The following RNF38 variants were observed in gnomAD, a reference collection of about 807,000 sequenced individuals.
RNF38 encodes the protein E3 ubiquitin-protein ligase RNF38.
Under a neutral mutation model 67.2 loss-of-function variants are expected in RNF38, and 15 were observed. That is an observed-to-expected ratio of 0.22 (90% CI 0.15 to 0.34). The LOEUF (loss-of-function observed/expected upper bound fraction) is 0.34, where lower values mean the gene tolerates loss of function less well. Among genes scored for constraint, RNF38 ranks in the 10% least tolerant of loss-of-function variants. The pLI, the probability that RNF38 is intolerant of heterozygous loss-of-function variation, is 1.00. For missense variants in RNF38, 524 were observed against 639.9 expected (o/e 0.82, Z 1.95); for synonymous variants, 220 against 218.8 (o/e 1.01, Z -0.05).
chr9:36,370,887 C>T (rs748877167), intron 3 of RNF38, among the ~76,000 whole-genome samples: 23 of 151,174 alleles, frequency 1.5e-4, no homozygotes, highest in African/African-American at 4.4e-4. Context: ...CCAGCCTGGG[C>T]GACAGAGTGA....
At chr9:36,404,707 A>C (rs1448953256), upstream of RNF38, among the ~76,000 whole-genome samples, 1 of 152,076 alleles carries the variant, frequency 6.6e-6, no homozygotes, top group Non-Finnish European at 1.5e-5. Context: ...AGTTCTTTTG[A>C]GTTTTCTATA....
intron 1 of RNF38, among the ~76,000 whole-genome samples, chr9:36,479,782 A>G (rs1840206107): frequency 6.6e-6 from 1 of 152,164 alleles, no homozygotes; most frequent in African/African-American, 2.4e-5. Context: ...ACAAAAGCCA[A>G]ATGAAAAATA....
Position 36,343,074 on chromosome 9 carries a change from T to TGTAAATAGTTGTTATACTG in RNF38, c.1386-669_1386-651dup, listed in dbSNP as rs530825566. The stretch of plus-strand genomic sequence containing the variant: ...AATACTTAATACAATGTAAGTGCTA[T>TGTAAATAGTTGTTATACTG]GTAAATAGTTGTTATACTGTATTGT... On this transcript the variant is annotated intron_variant, in intron 10 of 11. Coordinates refer to ENST00000259605, the MANE Select transcript of RNF38 (RefSeq NM_022781.5). Among the ~76,000 whole-genome samples the TGTAAATAGTTGTTATACTG allele has an allele frequency of 8.5e-4, 130 of 152,348 alleles. No individual in the cohort carries two copies. The Middle Eastern group carries it at 0.01, about 12-fold the overall frequency.
chr9:36,378,169 CTTTTTTTTT>C (rs35057784), intron 2 of RNF38, among the ~76,000 whole-genome samples: 3 of 114,880 alleles, frequency 2.6e-5, no homozygotes, highest in South Asian at 2.9e-4. Context: ...TTAACACTGA[CTTTTTTTTT>C]TTTTTTTTTT....
chr9:36,402,529 A>G (rs7029289), upstream of RNF38, among the ~76,000 whole-genome samples: 1,661 of 151,900 alleles, frequency 0.011, 27 homozygotes, highest in African/African-American at 0.038. Context: ...TACAGAACGC[A>G]GACCACCCTG....
chr9:36,436,895 C>T (rs966815109), intron 1 of RNF38, among the ~76,000 whole-genome samples: 2 of 151,702 alleles, frequency 1.3e-5, no homozygotes, highest in African/African-American at 2.4e-5. Context: ...TTAGTTTTGC[C>T]ATGGCAACCA....
chr9:36,459,965 G>T (rs949549182), intron 1 of RNF38, among the ~76,000 whole-genome samples: 4 of 151,612 alleles, frequency 2.6e-5, no homozygotes, highest in Non-Finnish European at 4.4e-5. Context: ...TACTATAAGA[G>T]AAAATTTTTT....
intron 10 of RNF38, among the ~76,000 whole-genome samples, chr9:36,342,814 A>G (rs1832950434): frequency 6.6e-6 from 1 of 152,188 alleles, no homozygotes; most frequent in Non-Finnish European, 1.5e-5. Flanking sequence ...TTAGAAGAAA[A>G]CACAGTAAAT....
chr9:36,408,487 C>CTT (rs1483773074), intron 2 of RNF38, among the ~76,000 whole-genome samples: 6 of 152,230 alleles, frequency 3.9e-5, no homozygotes, highest in African/African-American at 1.4e-4. Flanking sequence ...GACCAGTATA[C>CTT]TTTTAGTGAA....
chr9:36,415,973 G>A (rs752018724), intron 2 of RNF38, among the ~76,000 whole-genome samples: 6 of 151,930 alleles, frequency 3.9e-5, no homozygotes, highest in Non-Finnish European at 7.4e-5. Flanking sequence ...ATACAACATC[G>A]ACTGCAGTAG....
chr9:36,410,556 G>A (rs1468731152), intron 2 of RNF38, among the ~76,000 whole-genome samples: 1 of 152,166 alleles, frequency 6.6e-6, no homozygotes, highest in Non-Finnish European at 1.5e-5. Flanking sequence ...CCTGCTGGCA[G>A]ATCTACAACA....
chr9:36,429,663 G>T (rs769997068), intron 1 of RNF38, among the ~76,000 whole-genome samples: 1 of 151,896 alleles, frequency 6.6e-6, no homozygotes, highest in African/African-American at 2.4e-5. Context: ...GCATGGTGGC[G>T]GGCACCTGTA....
intron 1 of RNF38, among the ~76,000 whole-genome samples, chr9:36,465,788 C>T (rs1032755869): frequency 1.3e-5 from 2 of 152,136 alleles, no homozygotes; most frequent in African/African-American, 4.8e-5. Flanking sequence ...CGGTGGCTCA[C>T]GCCTGTAATC....
At position 36,337,644 on chromosome 9, in the gene RNF38, A is replaced by G. The variant is rs564333951; in HGVS notation, c.*2108T>C. On this transcript the variant is annotated 3_prime_UTR_variant, in exon 12 of 12. Coordinates refer to ENST00000259605, the MANE Select transcript of RNF38 (RefSeq NM_022781.5). ...ATAAGATGGGCTTTTGCCATTTTAA[A>G]CATGATTTTTTTTCATTAAAAAAGA... The G allele has an allele frequency of 3.4e-5, 5 of 148,870 alleles. No homozygotes were observed. The highest frequency in any genetic ancestry group is 1.2e-4 in the African/African-American group (5 of 41,490). 9.2% of individuals were successfully genotyped at this position (148,870 alleles called of 1,614,324 possible). A position where few individuals can be genotyped will look rare whatever the true frequency, so the allele number is the denominator to read the frequency against.
At chr9:36,367,164 T>C (rs1343284591) in intron 4 of RNF38, among the ~76,000 whole-genome samples, 1 of 152,122 alleles carries the variant, frequency 6.6e-6, no homozygotes, top group East Asian at 1.9e-4. Flanking sequence ...AGACTCAAAA[T>C]TGAAGTCCAG....
intron 1 of RNF38, among the ~76,000 whole-genome samples, chr9:36,470,273 G>A (rs543986460): frequency 1.3e-5 from 2 of 152,180 alleles, no homozygotes; most frequent in South Asian, 2.1e-4. Context: ...GCCAGAAATC[G>A]GCATTTTAAC....
At chr9:36,376,619 A>AT (rs935664501) in intron 2 of RNF38, among the ~76,000 whole-genome samples, 9 of 151,852 alleles carry the variant, frequency 5.9e-5, no homozygotes, top group African/African-American at 1.2e-4. Context: ...CACTATATTT[A>AT]TTTTTTTTAA....
intron 1 of RNF38, among the ~76,000 whole-genome samples, chr9:36,466,374 A>G (rs1384411855): frequency 1.3e-5 from 2 of 152,222 alleles, no homozygotes; most frequent in African/African-American, 4.8e-5. Flanking sequence ...ACTTAATTGT[A>G]TACTTTATTT....
rs118121296 is a variant in RNF38 at position 36,465,031 on chromosome 9, A to G, written n.241+22277T>C. Among the ~76,000 whole-genome samples the G allele has an allele frequency of 7.4e-4, 113 of 152,274 alleles. 1 individual carries two copies. The East Asian group carries it at 0.02, about 27-fold the overall frequency. On this transcript the variant is annotated intron_variant and non_coding_transcript_variant, in intron 1 of 3. Coordinates refer to the RNF38 transcript ENST00000488058. ...ACTTAACATCATTAGCCATGGGGGG[A>G]ATGCAAATCAAAACTAGAAGGAGAT...
Sources: gnomAD v4.1 joint callset for allele counts (sites outside exome capture counted in the v4.1 genomes callset) on GRCh38, gnomAD v4.1.1 for gene constraint, MANE v1.5 for transcripts, NCBI Gene and HGNC (gene_info 2026-07-23, HGNC 2026-07-21) for gene names.